Variants in HVCN1 observed in about 807,000 individuals in gnomAD.
HVCN1 encodes voltage-gated hydrogen channel 1.
Under a neutral mutation model 29.2 loss-of-function variants are expected in HVCN1, and 14 were observed. The ratio of observed to expected loss-of-function variants is 0.48; its 90% confidence interval spans 0.32 to 0.75. The LOEUF is 0.75. HVCN1 is among the 30% of genes least tolerant of loss of function. HVCN1 has a pLI of 0.04. For synonymous variants in HVCN1, 131 were observed against 133.2 expected, an observed-to-expected ratio of 0.98 and a Z score of 0.11; for missense variants, 263 against 341.8, an observed-to-expected ratio of 0.77 and a Z score of 1.82.
chr12:110,681,432 T>A (rs1409852540), intron 3 of HVCN1, among the ~76,000 whole-genome samples: 1 of 152,236 alleles, frequency 6.6e-6, no homozygotes, highest in East Asian at 1.9e-4. Flanking sequence ...TCCCCCGTGA[T>A]ATGTATGAGT....
chr12:110,674,923 G>T (rs2068698495), intron 3 of HVCN1, among the ~76,000 whole-genome samples: 1 of 152,152 alleles, frequency 6.6e-6, no homozygotes, highest in Non-Finnish European at 1.5e-5. Flanking sequence ...TTTAGTGGAG[G>T]TGGGAAGAGA....
chr12:110,656,748 G>A (rs144005765), intron 4 of HVCN1, among the ~76,000 whole-genome samples: 1 of 152,318 alleles, frequency 6.6e-6, no homozygotes, highest in African/African-American at 2.4e-5. Context: ...CAACCTGTAG[G>A]TAATTATTTC....
intron 2 of HVCN1, among the ~76,000 whole-genome samples, chr12:110,698,789 C>T (rs2069531312): frequency 1.3e-5 from 2 of 152,156 alleles, no homozygotes; most frequent in Non-Finnish European, 2.9e-5. Context: ...AGGAGTGGAC[C>T]TGTTTACTCA....
At chr12:110,685,386 C>T (rs2069140728) in intron 2 of HVCN1, among the ~76,000 whole-genome samples, 1 of 152,174 alleles carries the variant, frequency 6.6e-6, no homozygotes. Flanking sequence ...TTGACTCGAG[C>T]CCACTGAGAC....
At chr12:110,686,067 C>T (rs980719472) in intron 2 of HVCN1, among the ~76,000 whole-genome samples, 2 of 151,828 alleles carry the variant, frequency 1.3e-5, no homozygotes, top group African/African-American at 2.4e-5. Flanking sequence ...GGTATGATCT[C>T]GGCTCACTGC....
intron 3 of HVCN1, among the ~76,000 whole-genome samples, chr12:110,681,016 CCAGG>C (rs1454913705): frequency 3.3e-5 from 5 of 152,188 alleles, no homozygotes; most frequent in Admixed American, 6.5e-5. Context: ...TGTTCAGAGG[CCAGG>C]AAACTTACCA....
At chr12:110,652,293 T>C (rs747224778) in intron 5 of HVCN1, among the ~76,000 whole-genome samples, 1 of 152,216 alleles carries the variant, frequency 6.6e-6, no homozygotes, top group East Asian at 1.9e-4. Flanking sequence ...TTTGGGAGGC[T>C]GAGGCAGGAG....
chr12:110,701,234 A>T (rs1024659078), intron 2 of HVCN1, among the ~76,000 whole-genome samples: 1 of 152,230 alleles, frequency 6.6e-6, no homozygotes, highest in African/African-American at 2.4e-5. Context: ...TAATGGAGGT[A>T]GAGCGCTCCA....
chr12:110,655,303 G>A lies in HVCN1; in HGVS notation c.342C>T (p.Leu114=), dbSNP rs1395823680. ...CCAGGATGAGCTCAGCAAGCACCAGGAGGGCATCCAGAACCACCAAGCAGA... is the reference window on the plus strand; with the variant it reads ...CCAGGATGAGCTCAGCAAGCACCAGAAGGGCATCCAGAACCACCAAGCAGA... ...IIICLVVLDA[L]LVLAELILDL... The change falls in exon 5 of 8, where the codon CTC becomes CTT. Residue 114 remains leucine, a synonymous_variant. Coordinates refer to ENST00000242607, the MANE Select transcript of HVCN1 (RefSeq NM_032369.4). The A allele has an allele frequency of 1.6e-5, 26 of 1,613,890 alleles. No individual in the cohort carries two copies. The highest frequency in any genetic ancestry group is 5.5e-5 in the South Asian group (5 of 91,068).
rs528667734 is a variant in HVCN1 at position 110,661,747 on chromosome 12, ATG to A, written c.22-301_22-300del. ...GTCCCAAAACACCCGCCACGGGCCC[ATG>A]TGTGAATACCGGAAGGGCGGCCCCA... is the stretch of plus-strand genomic sequence containing the variant. On this transcript the variant is annotated intron_variant, in intron 3 of 7. Transcript: ENST00000242607. This position sits in a 1 kb window ranked among gnomAD's most constrained non-coding sequence, Gnocchi z 6.2. Among the ~76,000 whole-genome samples, 1 of 152,186 alleles carries A rather than the reference ATG, an allele frequency of 6.6e-6. No homozygotes were observed. Among genetic ancestry groups the A allele is most frequent in the Non-Finnish European group, 1.5e-5 (1 of 68,032 alleles).
At chr12:110,690,820 T>G (rs2069389994), upstream of HVCN1, among the ~76,000 whole-genome samples, 1 of 151,590 alleles carries the variant, frequency 6.6e-6, no homozygotes, top group Admixed American at 6.6e-5. Flanking sequence ...AATGGCATGA[T>G]CTTGGCTCAG....
upstream of HVCN1, among the ~76,000 whole-genome samples, chr12:110,693,271 C>T (rs1477113707): frequency 2.0e-5 from 3 of 152,242 alleles, no homozygotes; most frequent in South Asian, 2.1e-4. Flanking sequence ...TGGCCAGGCG[C>T]GGTGGCTCAT....
In HVCN1 at chr12:110,698,764, C is replaced by T. The variant is rs79433931; in HGVS notation, c.-104+3545G>A. ...GGCCCTGGGCAGCCCCCGCTTCCCT[C>T]CTTCCGTTTTTGAGAGGAGTGGACC... On this transcript the variant is annotated intron_variant, in intron 2 of 4. Transcript: ENST00000546713. 5.8e-3 allele frequency among the ~76,000 whole-genome samples: 880 copies of T among 152,324 alleles called. 9 individuals are homozygous for T. Among genetic ancestry groups the T allele is most frequent in the African/African-American group, 0.02 (827 of 41,562 alleles).
chr12:110,668,024 T>G (rs2068430315), intron 3 of HVCN1, among the ~76,000 whole-genome samples: 1 of 152,136 alleles, frequency 6.6e-6, no homozygotes, highest in Admixed American at 6.6e-5. Flanking sequence ...ATCAAGAGAA[T>G]GTGGTGGGCC....
chr12:110,680,534 T>G (rs1043675887), intron 3 of HVCN1, among the ~76,000 whole-genome samples: 1 of 152,184 alleles, frequency 6.6e-6, no homozygotes, highest in Non-Finnish European at 1.5e-5. Flanking sequence ...GGGAAATAAA[T>G]TCATAACAAT....
At chr12:110,684,921 C>G (rs766923614) in intron 2 of HVCN1, among the ~76,000 whole-genome samples, 1 of 152,182 alleles carries the variant, frequency 6.6e-6, no homozygotes, top group Non-Finnish European at 1.5e-5. Flanking sequence ...TGAGTAGATA[C>G]TCTCCCCCAA....
intron 5 of HVCN1, among the ~76,000 whole-genome samples, chr12:110,653,426 T>A (rs1305029841): frequency 6.6e-6 from 1 of 151,930 alleles, no homozygotes; most frequent in African/African-American, 2.4e-5. Flanking sequence ...GCTCCTGCAC[T>A]CCAGCCTGGG....
At chr12:110,663,498 G>C (rs567628842) in intron 3 of HVCN1, among the ~76,000 whole-genome samples, 1 of 150,736 alleles carries the variant, frequency 6.6e-6, no homozygotes, top group South Asian at 2.1e-4. Flanking sequence ...TACTTGGGAG[G>C]CTGGGGCAGG....
At chr12:110,657,311 T>C (rs763271074) in intron 4 of HVCN1, among the ~76,000 whole-genome samples, 2 of 152,102 alleles carry the variant, frequency 1.3e-5, no homozygotes, top group Non-Finnish European at 2.9e-5. Flanking sequence ...CTGGCTAACA[T>C]AGTGAAACCC....
Sources: gnomAD v4.1 joint callset for allele counts (sites outside exome capture counted in the v4.1 genomes callset) on GRCh38, gnomAD v4.1.1 for gene constraint, Gnocchi (gnomAD v3.1) non-coding constraint, MANE v1.5 for transcripts, NCBI Gene and HGNC (gene_info 2026-07-23, HGNC 2026-07-21) for gene names.